HHATL: variants seen among roughly 807,000 people sequenced by gnomAD.
HHATL encodes the protein hedgehog acyltransferase like, also known as protein-cysteine N-palmitoyltransferase HHAT-like protein.
Under a neutral mutation model 59.7 loss-of-function variants are expected in HHATL, and 49 were observed. The observed-to-expected ratio is 0.82, with a 90% CI of 0.65 to 1.04. The LOEUF (loss-of-function observed/expected upper bound fraction) is 1.04, where lower values mean the gene tolerates loss of function less well. HHATL is among the 50% of genes least tolerant of loss of function. HHATL has a pLI of 0.00. For synonymous variants in HHATL, 238 were observed against 257.3 expected (o/e 0.93, Z 0.72); for missense variants, 605 against 650.8 (o/e 0.93, Z 0.77).
Position 42,699,162 on chromosome 3 carries a change from CAGA to C in HHATL, c.175-20_175-18del. ...AGCCACATCCTGGGGCAGTCCGGGG[CAGA>C]AGGAGGTGGGGCAGGTGAGGGTGGG... On this transcript the variant is annotated intron_variant, in intron 3 of 11. Coordinates refer to ENST00000441594, the MANE Select transcript of HHATL (RefSeq NM_020707.4). 6.2e-7 allele frequency: 1 copy of C among 1,600,946 alleles called. No individual in the cohort carries two copies. The highest frequency in any genetic ancestry group is 8.6e-7 in the Non-Finnish European group (1 of 1,168,058).
chr3:42,693,990 C>T (rs2125848956), intron 9 of HHATL, 172 bp from the exon 10 acceptor site: 7 of 614,434 alleles, frequency 1.1e-5, no homozygotes, highest in South Asian at 1.1e-4. Flanking sequence ...GTGGCAGGCT[C>T]AGCCTGGGAC....
At position 42,698,126 on chromosome 3, in the gene HHATL, C is replaced by T. The variant is rs755676495; in HGVS notation, c.693+16G>A. 8.1e-6 allele frequency: 13 copies of T among 1,612,220 alleles called. No homozygotes were observed. The highest frequency in any genetic ancestry group is 1.7e-5 in the Admixed American group (1 of 59,996). On this transcript the variant is annotated intron_variant, in intron 6 of 11. Coordinates refer to ENST00000441594, the MANE Select transcript of HHATL (RefSeq NM_020707.4). ...GATTCAGCCCTGTTCTAGAAGCCCA[C>T]AGGGTGTCCCCTCACCTGAGCATGG...
chr3:42,693,486 T>C, intron 10 of HHATL, 131 bp downstream of exon 10: 1 of 858,606 alleles, frequency 1.2e-6, no homozygotes, highest in Non-Finnish European at 1.8e-6. Flanking sequence ...GCCATTGCTC[T>C]GACAACTAAG....
At position 42,696,829 on chromosome 3, in the gene HHATL, C is replaced by T; in HGVS notation, c.1046+13G>A. ...AGGATGGCTGTGACCACCCCCACCCCACTCCTACTCACTTGCAAAGCCAGT... is the reference window on the plus strand; with the variant it reads ...AGGATGGCTGTGACCACCCCCACCCTACTCCTACTCACTTGCAAAGCCAGT... On this transcript the variant is annotated intron_variant, in intron 9 of 11. Coordinates refer to ENST00000441594, the MANE Select transcript of HHATL (RefSeq NM_020707.4). 1.2e-6 allele frequency: 2 copies of T among 1,613,798 alleles called. No homozygotes were observed. Among genetic ancestry groups the T allele is most frequent in the East Asian group, 2.2e-5 (1 of 44,838 alleles).
At position 42,701,019 on chromosome 3, in the gene HHATL, ACCAGTG is replaced by A; in HGVS notation, c.-13-186_-13-181del. Reference sequence around the variant, plus strand: ...CCCCACAGTTCACAGGCCACCGAACACCAGTGCCCCATCCCAGCTGCTGCTCTTGCC... The same window carrying A: ...CCCCACAGTTCACAGGCCACCGAACACCCCATCCCAGCTGCTGCTCTTGCC... On this transcript the variant is annotated intron_variant, in intron 1 of 11. Transcript: ENST00000441594. The surrounding 1 kb of genome is among the most constrained non-coding windows in gnomAD (Gnocchi z 5.1). 1 of 557,960 alleles carries A rather than the reference ACCAGTG, an allele frequency of 1.8e-6. No individual in the cohort carries two copies. Among genetic ancestry groups the A allele is most frequent in the Non-Finnish European group, 3.2e-6 (1 of 308,686 alleles). 34.6% of individuals were successfully genotyped at this position (557,960 alleles called of 1,614,324 possible). A position where few individuals can be genotyped will look rare whatever the true frequency, so the allele number is the denominator to read the frequency against.
rs1697634063 is a variant in HHATL at position 42,696,855 on chromosome 3, C to T, written c.1033G>A (p.Asp345Asn). 5.6e-6 allele frequency: 9 copies of T among 1,613,992 alleles called. No homozygotes were observed. The highest frequency in any genetic ancestry group is 7.6e-6 in the Non-Finnish European group (9 of 1,180,002). The change falls in exon 9 of 12, where the codon GAC becomes AAC. Residue 345 changes from aspartate to asparagine, a missense_variant. Transcript: ENST00000441594. Reference protein sequence around the residue: ...AETHFDRGINDWLCKYVYNHI... With the variant: ...AETHFDRGINNWLCKYVYNHI... ...ACTCCTACTCACTTGCAAAGCCAGT[C>T]GTTGATGCCACGGTCAAAGTGCCTG...
rs1001272019 is a variant in HHATL at position 42,698,835 on chromosome 3, A to G, written c.356T>C (p.Leu119Pro). The G allele has an allele frequency of 6.2e-7, 1 of 1,613,616 alleles. No individual in the cohort carries two copies. Among genetic ancestry groups the G allele is most frequent in the Non-Finnish European group, 8.5e-7 (1 of 1,179,838 alleles). ...AVMGTMGPWY[L>P]LLLLGHCVGL... ...CACACAGTGACCAAGCAGCAGCAGC[A>G]GGTACCAAGGGCCCATTGTGCCCAT... The change falls in exon 5 of 12, where the codon CTG becomes CCG. Residue 119 changes from leucine (L) to proline (P), a missense_variant. Transcript: ENST00000441594.
At chr3:42,693,054 A>G (rs1229172183) in intron 11 of HHATL, 23 bp downstream of exon 11, 2 of 1,613,328 alleles carry the variant, frequency 1.2e-6, no homozygotes, top group South Asian at 1.1e-5. Flanking sequence ...CACCTTCTGT[A>G]TCCCCACACC....
At chr3:42,699,405 G>A (rs931524228) in intron 3 of HHATL, among the ~76,000 whole-genome samples, 4 of 152,340 alleles carry the variant, frequency 2.6e-5, no homozygotes, top group African/African-American at 9.6e-5. Context: ...AGGCAGGAGG[G>A]TAGAGAGGAG....
At position 42,702,754 on chromosome 3, in the gene HHATL, A is replaced by G; in HGVS notation, c.-189T>C. 6.6e-6 allele frequency: 1 copy of G among 151,044 alleles called. No individual in the cohort carries two copies. The highest frequency in any genetic ancestry group is 1.5e-5 in the Non-Finnish European group (1 of 68,882). 9.4% of individuals were successfully genotyped at this position (151,044 alleles called of 1,614,324 possible). Reference sequence around the variant, plus strand: ...GGTGAGTGGTGACAGCGGGAGGAGGAGGGGGAGGAGGAGGTGGCCTTCCTG... The same window carrying G: ...GGTGAGTGGTGACAGCGGGAGGAGGGGGGGGAGGAGGAGGTGGCCTTCCTG... On this transcript the variant is annotated 5_prime_UTR_variant, in exon 1 of 12. Transcript: ENST00000441594.
In HHATL at chr3:42,693,832, G is replaced by T; in HGVS notation, c.1047-14C>A. 6.2e-7 allele frequency: 1 copy of T among 1,606,840 alleles called. No individual in the cohort carries two copies. The highest frequency in any genetic ancestry group is 8.5e-7 in the Non-Finnish European group (1 of 1,174,648). ...TTATACACATATCTGCAGGAAAGAT[G>T]GGAGAAGGGCCACTGGGAGTGTGGG... On this transcript the variant is annotated splice_polypyrimidine_tract_variant and intron_variant, in intron 9 of 11. Transcript: ENST00000441594.
chr3:42,698,844 G>A lies in HHATL; in HGVS notation c.347C>T (p.Pro116Leu), dbSNP rs1396023940. The A allele has an allele frequency of 1.2e-6, 2 of 1,613,478 alleles. No individual in the cohort carries two copies. The highest frequency in any genetic ancestry group is 8.5e-7 in the Non-Finnish European group (1 of 1,179,712). The change falls in exon 5 of 12, where the codon CCT becomes CTT. Residue 116 changes from proline (P) to leucine (L), a missense_variant. By Grantham distance (98) the Pro-to-Leu change is moderately conservative (BLOSUM62 -3). Coordinates refer to ENST00000441594, the MANE Select transcript of HHATL (RefSeq NM_020707.4). ...ACCAAGCAGCAGCAGCAGGTACCAA[G>A]GGCCCATTGTGCCCATCACAGCCAA... ...GALAVMGTMG[P>L]WYLLLLLGHC...
At position 42,697,491 on chromosome 3, in the gene HHATL, C is replaced by T; in HGVS notation, c.865+17G>A. The T allele has an allele frequency of 6.2e-6, 10 of 1,608,208 alleles. No individual in the cohort carries two copies. Among genetic ancestry groups the T allele is most frequent in the Non-Finnish European group, 8.5e-6 (10 of 1,175,948 alleles). ...TGGGGCGGCAGCCCTGCCCCCATTT[C>T]TCTTCTGTGGACCCACCGAGGGCAC... is the stretch of plus-strand genomic sequence containing the variant. On this transcript the variant is annotated intron_variant, in intron 7 of 11. Transcript: ENST00000441594.
chr3:42,698,672 T>C (rs1184855555), intron 5 of HHATL, 36 bp downstream of exon 5: 1 of 1,518,630 alleles, frequency 6.6e-7, no homozygotes, highest in East Asian at 2.3e-5. Context: ...TTTGGGATCT[T>C]ATCCCTACAC....
Position 42,697,630 on chromosome 3 carries a change from C to G in HHATL, c.743G>C (p.Arg248Pro), listed in dbSNP as rs138073107. Residue 248 changes from arginine to proline, a missense_variant, in exon 7 of 12, where the codon CGA becomes CCA. Arg to Pro is a moderately radical substitution (Grantham distance 103). Coordinates refer to ENST00000441594, the MANE Select transcript of HHATL (RefSeq NM_020707.4). ...VRREGELWHI[R>P]AQAGLSVVAI... is the part of the protein sequence containing the mutation. ...CACCACGCTTAGGCCTGCCTGGGCT[C>G]GGATGTGCCACAGCTCACCCTCGCG... is the stretch of plus-strand genomic sequence containing the variant. 1 of 1,614,094 alleles carries G rather than the reference C, an allele frequency of 6.2e-7. No homozygotes were observed. The highest frequency in any genetic ancestry group is 8.5e-7 in the Non-Finnish European group (1 of 1,179,976).
intron 9 of HHATL, among the ~76,000 whole-genome samples, chr3:42,694,860 A>G (rs1697537316): frequency 6.6e-6 from 1 of 152,102 alleles, no homozygotes; most frequent in Non-Finnish European, 1.5e-5. Context: ...TCCCATTGCA[A>G]TTTTATTTTC....
rs1167496230 is a variant in HHATL, at chr3:42,693,825, G to A, written c.1047-7C>T. 6 of 1,611,124 alleles carry A rather than the reference G, an allele frequency of 3.7e-6. No individual in the cohort carries two copies. Among genetic ancestry groups the A allele is most frequent in the Non-Finnish European group, 4.2e-6 (5 of 1,178,346 alleles). On this transcript the variant is annotated splice_region_variant and splice_polypyrimidine_tract_variant and intron_variant, in intron 9 of 11. Transcript: ENST00000441594. ...AATGTGGTTATACACATATCTGCAG[G>A]AAAGATGGGAGAAGGGCCACTGGGA...
intron 7 of HHATL, 101 bp downstream of exon 7, chr3:42,697,407 C>T (rs1342048795): frequency 7.4e-7 from 1 of 1,356,726 alleles, no homozygotes; most frequent in East Asian, 2.3e-5. Flanking sequence ...GGTGCTGTGC[C>T]CTGCGTGCCT....
rs1698004731 is a variant in HHATL at position 42,701,760 on chromosome 3, T to C, written c.-14+819A>G. Among the ~76,000 whole-genome samples the C allele has an allele frequency of 6.6e-6, 1 of 152,234 alleles. No individual in the cohort carries two copies. Among genetic ancestry groups the C allele is most frequent in the South Asian group, 2.1e-4 (1 of 4,838 alleles). The stretch of plus-strand genomic sequence containing the variant: ...TTACCCTTCCTATCCCGCTTCAGCC[T>C]GGCTCAGGGGCTTCCCAAGGACTCC... On this transcript the variant is annotated intron_variant, in intron 1 of 11. Coordinates refer to ENST00000441594, the MANE Select transcript of HHATL (RefSeq NM_020707.4). This position sits in a 1 kb window ranked among gnomAD's most constrained non-coding sequence, Gnocchi z 5.1.
Sources: gnomAD v4.1 joint callset for allele counts (sites outside exome capture counted in the v4.1 genomes callset) on GRCh38, gnomAD v4.1.1 for gene constraint, Gnocchi (gnomAD v3.1) non-coding constraint, MANE v1.5 for transcripts, NCBI Gene and HGNC (gene_info 2026-07-23, HGNC 2026-07-21) for gene names.